HDAC9: variants seen among roughly 807,000 people sequenced by gnomAD.
HDAC9 encodes histone deacetylase 9.
Under a neutral mutation model 139.4 loss-of-function variants are expected in HDAC9, and 41 were observed. The ratio of observed to expected loss-of-function variants is 0.29; its 90% CI spans 0.23 to 0.38. The LOEUF is 0.38. HDAC9 is among the 10% of genes least tolerant of loss of function. HDAC9 has a pLI of 1.00. For synonymous variants in HDAC9, 517 were observed against 476.2 expected (o/e 1.09, Z -1.12); for missense variants, 1,147 against 1,297.0 (o/e 0.88, Z 1.78).
chr7:18,758,118 A>C (rs1373048288), intron 14 of HDAC9, among the ~76,000 whole-genome samples: 5 of 152,166 alleles, frequency 3.3e-5, no homozygotes, highest in Non-Finnish European at 5.9e-5. Flanking sequence ...CTTTATTAAG[A>C]AGGTGACAAA....
intron 25 of HDAC9, among the ~76,000 whole-genome samples, chr7:18,992,660 A>C (rs141601322): frequency 6.6e-6 from 1 of 152,218 alleles, no homozygotes; most frequent in Non-Finnish European, 1.5e-5. Context: ...GAGAGAATAC[A>C]AGAATTTAAT....
intron 22 of HDAC9, among the ~76,000 whole-genome samples, chr7:18,928,365 C>A (rs1804420369): frequency 6.6e-6 from 1 of 152,210 alleles, no homozygotes; most frequent in African/African-American, 2.4e-5. Flanking sequence ...ACAGTTCTGA[C>A]TGTACTTTGT....
intron 2 of HDAC9, among the ~76,000 whole-genome samples, chr7:18,255,597 A>G (rs866951501): frequency 6.8e-6 from 1 of 147,194 alleles, no homozygotes; most frequent in Non-Finnish European, 1.5e-5. Flanking sequence ...ATGATGTGAC[A>G]TTGATGAGTT....
At chr7:18,901,215 T>C (rs891346195) in intron 22 of HDAC9, among the ~76,000 whole-genome samples, 3,817 of 129,632 alleles carry the variant, frequency 0.029, 160 homozygotes, top group African/African-American at 0.11. Context: ...TACATATATA[T>C]ATATATACAC....
chr7:18,766,826 C>T (rs1490361149), intron 15 of HDAC9, among the ~76,000 whole-genome samples: 3 of 151,902 alleles, frequency 2.0e-5, no homozygotes, highest in African/African-American at 7.3e-5. Context: ...TCTTGTGACC[C>T]AAATCTCATG....
chr7:18,654,086 G>A (rs1790274055), intron 11 of HDAC9, among the ~76,000 whole-genome samples: 1 of 152,022 alleles, frequency 6.6e-6, no homozygotes, highest in Non-Finnish European at 1.5e-5. Flanking sequence ...GTTTTGAGAA[G>A]GAGATTAATT....
At chr7:18,545,711 G>C (rs550040248) in intron 2 of HDAC9, among the ~76,000 whole-genome samples, 10 of 152,176 alleles carry the variant, frequency 6.6e-5, no homozygotes, top group African/African-American at 2.2e-4. Flanking sequence ...AGGAGATTGA[G>C]GGAAATTTAA....
chr7:18,217,249 G>A (rs1283891163), intron 2 of HDAC9, among the ~76,000 whole-genome samples: 1 of 151,660 alleles, frequency 6.6e-6, no homozygotes, highest in Non-Finnish European at 1.5e-5. Context: ...ATTCTTTTCT[G>A]TGTTTTTCAT....
At chr7:18,739,650 G>T (rs988486546) in intron 13 of HDAC9, among the ~76,000 whole-genome samples, 2 of 152,182 alleles carry the variant, frequency 1.3e-5, no homozygotes, top group African/African-American at 4.8e-5. Flanking sequence ...TCTTCCCAGA[G>T]AGGCAGCTGC....
intron 16 of HDAC9, among the ~76,000 whole-genome samples, chr7:18,784,942 CTTGTGT>C (rs1791570590): frequency 2.7e-5 from 2 of 74,096 alleles, no homozygotes; most frequent in South Asian, 9.7e-4. Context: ...GTAGCAATTG[CTTGTGT>C]GTGTGTGTGT....
chr7:18,322,232 T>G (rs1179635840), intron 1 of HDAC9, among the ~76,000 whole-genome samples: 2 of 152,214 alleles, frequency 1.3e-5, no homozygotes, highest in Non-Finnish European at 2.9e-5. Context: ...TCCCATACTT[T>G]AGGATATGAA....
In HDAC9 at chr7:18,244,210, G is replaced by T. The variant is rs750811073; in HGVS notation, c.25+81861G>T. Among the ~76,000 whole-genome samples, 136 of 152,116 alleles carry T rather than the reference G, an allele frequency of 8.9e-4. 2 individuals are homozygous for T. Among genetic ancestry groups the T allele is most frequent in the Admixed American group, 3.3e-4 (5 of 15,286 alleles). ...GAGGGTGAGGGGTTGGAGGGGTGGG[G>T]ATGGGATTCTTTTTATGCAACAAAA... is the stretch of plus-strand genomic sequence containing the variant. On this transcript the variant is annotated intron_variant, in intron 2 of 12. Transcript: ENST00000417496.
chr7:18,674,969 C>T (rs1781408192), intron 12 of HDAC9, among the ~76,000 whole-genome samples: 1 of 151,806 alleles, frequency 6.6e-6, no homozygotes, highest in South Asian at 2.1e-4. Context: ...ATCTAGCATA[C>T]ATTTTTAGAT....
chr7:18,606,508 T>C (rs1835545409), intron 6 of HDAC9, among the ~76,000 whole-genome samples: 4 of 152,150 alleles, frequency 2.6e-5, no homozygotes, highest in Admixed American at 2.0e-4. Flanking sequence ...AGAAAATAGG[T>C]TGAAATTATT....
At chr7:18,606,829 AT>A (rs1230120871) in intron 6 of HDAC9, among the ~76,000 whole-genome samples, 1 of 152,108 alleles carries the variant, frequency 6.6e-6, no homozygotes, top group Non-Finnish European at 1.5e-5. Flanking sequence ...TTAAACTAAC[AT>A]ATCTGAAATC....
At chr7:18,687,282 A>T (rs1286310328) in intron 12 of HDAC9, among the ~76,000 whole-genome samples, 2 of 151,824 alleles carry the variant, frequency 1.3e-5, no homozygotes, top group African/African-American at 4.8e-5. Flanking sequence ...CGATTTAAGT[A>T]GGTACCATTT....
intron 1 of HDAC9, among the ~76,000 whole-genome samples, chr7:18,416,960 T>C (rs945516310): frequency 1.1e-4 from 17 of 152,174 alleles, no homozygotes; most frequent in African/African-American, 4.1e-4. Flanking sequence ...TTTATGCTTC[T>C]TGTGCTTGGG....
chr7:18,820,873 G>A (rs1406440034), intron 17 of HDAC9, among the ~76,000 whole-genome samples: 4 of 152,276 alleles, frequency 2.6e-5, no homozygotes, highest in Middle Eastern at 6.8e-3. Flanking sequence ...ATCGGGGTTG[G>A]CAAATCTCTA....
chr7:18,764,624 G>A (rs1209516337), intron 15 of HDAC9, among the ~76,000 whole-genome samples: 1 of 151,852 alleles, frequency 6.6e-6, no homozygotes, highest in Non-Finnish European at 1.5e-5. Context: ...TTTTATTGTT[G>A]TTGTTGTTTG....
Sources: allele counts gnomAD v4.1 joint callset (sites outside exome capture counted in the v4.1 genomes callset), GRCh38; gene constraint gnomAD v4.1.1; transcripts MANE v1.5; gene names NCBI Gene and HGNC (gene_info 2026-07-23, HGNC 2026-07-21).